RNF213: variants seen among roughly 807,000 people sequenced by gnomAD.
RNF213 encodes the protein ring finger protein 213, also known as E3 ubiquitin-protein ligase RNF213.
RNF213 carries 341 observed loss-of-function variants against 514.4 expected under a neutral mutation model. The observed-to-expected ratio is 0.66, with a 90% CI of 0.61 to 0.73. The LOEUF (loss-of-function observed/expected upper bound fraction) is 0.73, where lower values mean the gene tolerates loss of function less well. Ranked by LOEUF, RNF213 falls within the 30% of genes least tolerant of loss-of-function variation. The pLI, the probability that RNF213 is intolerant of heterozygous loss-of-function variation, is 0.00. For missense variants in RNF213, 5,767 were observed against 6,615.6 expected (o/e 0.87, Z 4.45); for synonymous variants, 2,655 against 2,658.2 (o/e 1.00, Z 0.04).
intron 46 of RNF213, among the ~76,000 whole-genome samples, chr17:80,370,597 G>A (rs191434862): frequency 6.6e-6 from 1 of 152,266 alleles, no homozygotes; most frequent in African/African-American, 2.4e-5. Context: ...TTTCATTTTA[G>A]TTTTACTAAA....
rs1214279942 is a variant in RNF213, at chr17:80,338,995, ATC to A, written c.4834-202_4834-201del. Among the ~76,000 whole-genome samples, 5 of 152,174 alleles carry A rather than the reference ATC, an allele frequency of 3.3e-5. No homozygotes were observed. The South Asian group carries it at 8.3e-4, about 25-fold the overall frequency. The stretch of plus-strand genomic sequence containing the variant: ...AAAATTAAAACAAATGATACCATTT[ATC>A]TCTACAATGACTCTTTCCCTGATGA... On this transcript the variant is annotated intron_variant, in intron 25 of 67. Coordinates refer to ENST00000582970, the MANE Select transcript of RNF213 (RefSeq NM_001256071.3).
At chr17:80,373,264 C>T in intron 49 of RNF213, 99 bp downstream of exon 49, 5 of 905,816 alleles carry the variant, frequency 5.5e-6, no homozygotes, top group Non-Finnish European at 8.1e-6. Flanking sequence ...ACCCCCCCCA[C>T]ACCCCACCCC....
intron 30 of RNF213, among the ~76,000 whole-genome samples, 170 bp from the exon 31 acceptor site, chr17:80,350,131 A>G (rs1045552465): frequency 6.6e-6 from 1 of 151,946 alleles, no homozygotes; most frequent in Non-Finnish European, 1.5e-5. Flanking sequence ...GGACCTCGTT[A>G]GGAGGCATTC....
chr17:80,329,933 T>C (rs1435807050), intron 20 of RNF213, among the ~76,000 whole-genome samples: 1 of 152,208 alleles, frequency 6.6e-6, no homozygotes, highest in Non-Finnish European at 1.5e-5. Flanking sequence ...TCTTGAATGA[T>C]TTAATTTTTT....
intron 37 of RNF213, 142 bp downstream of exon 37, chr17:80,358,621 G>A: frequency 1.3e-6 from 1 of 768,360 alleles, no homozygotes; most frequent in South Asian, 1.5e-5. Flanking sequence ...AGTAACAATA[G>A]GAAGTTTGGC....
rs923684931 is a variant in RNF213 at position 80,267,851 on chromosome 17, G to T, written c.97+4073G>T. On this transcript the variant is annotated intron_variant, in intron 2 of 67. Coordinates refer to ENST00000582970, the MANE Select transcript of RNF213 (RefSeq NM_001256071.3). ...TTTTTTTTTTTTGAGACAGGGTCTT[G>T]GTCTGTCTCCCAGGCTGGAGTGCAG... is the stretch of plus-strand genomic sequence containing the variant. 4.8e-5 allele frequency among the ~76,000 whole-genome samples: 7 copies of T among 147,108 alleles called. 1 individual carries two copies. The highest frequency in any genetic ancestry group is 1.5e-4 in the African/African-American group (6 of 39,218).
Position 80,370,722 on chromosome 17 carries a change from A to AC in RNF213, c.12425+855_12425+856insC, listed in dbSNP as rs570610787. Among the ~76,000 whole-genome samples, 14 of 152,302 alleles carry AC rather than the reference A, an allele frequency of 9.2e-5. No individual in the cohort carries two copies. In the South Asian group the frequency reaches 2.5e-3, roughly 27 times the overall value. On this transcript the variant is annotated intron_variant, in intron 46 of 67. Transcript: ENST00000582970. ...TGCCTCACAGAAAATCACTCATGAC[A>AC]AGCCCTGGGTTATCAGCCGGCTGCT...
intron 3 of RNF213, among the ~76,000 whole-genome samples, chr17:80,276,338 G>A (rs1002589060): frequency 3.9e-5 from 6 of 152,058 alleles, no homozygotes; most frequent in African/African-American, 1.4e-4. Context: ...GACTTCAGGT[G>A]CTCTGCCCAC....
At chr17:80,356,923 G>GTTTT (rs35344484) in intron 36 of RNF213, among the ~76,000 whole-genome samples, 1 of 145,766 alleles carries the variant, frequency 6.9e-6, no homozygotes, top group African/African-American at 2.5e-5. Flanking sequence ...ACCTTGTGGG[G>GTTTT]TTTTTTTTTT....
At chr17:80,306,528 A>T in intron 12 of RNF213, 60 bp downstream of exon 12, 1 of 1,496,906 alleles carries the variant, frequency 6.7e-7, no homozygotes, top group Non-Finnish European at 9.3e-7. Context: ...AGATAACTAA[A>T]CATGGAAAGC....
intron 17 of RNF213, 189 bp downstream of exon 17, chr17:80,319,501 G>A (rs1474212941): frequency 5.6e-6 from 9 of 1,613,674 alleles, no homozygotes; most frequent in Non-Finnish European, 5.9e-6. Flanking sequence ...ATTCCTCAGT[G>A]TGCTGCACAG....
In RNF213 at chr17:80,354,262, G is replaced by A. The variant is rs969017284; in HGVS notation, c.10726+96G>A. On this transcript the variant is annotated intron_variant, in intron 35 of 67. Transcript: ENST00000582970. ...CTGTGTGTTGGGGGACACCCTCTCA[G>A]GTTTCCATGGCTCAGCAGAAGCAGT... The A allele has an allele frequency of 6.6e-6, 10 of 1,519,236 alleles. No individual in the cohort carries two copies. In the Admixed American group the frequency reaches 1.4e-4, roughly 21 times the overall value. The allele number at this position is 1,519,236 out of a possible 1,614,324, so 94.1% of individuals were successfully genotyped here. A position where few individuals can be genotyped will look rare whatever the true frequency, so the allele number is the denominator to read the frequency against.
At chr17:80,362,708 G>A (rs915267990) in intron 39 of RNF213, among the ~76,000 whole-genome samples, 3 of 152,262 alleles carry the variant, frequency 2.0e-5, no homozygotes, top group African/African-American at 7.2e-5. Context: ...TACTGGAGAT[G>A]TGGACAAATA....
rs758145646 is a variant in RNF213 at position 80,363,767 on chromosome 17, C to A, written c.11727C>A (p.Ala3909=). The A allele has an allele frequency of 2.5e-6, 4 of 1,613,470 alleles. No homozygotes were observed. The highest frequency in any genetic ancestry group is 3.4e-6 in the Non-Finnish European group (4 of 1,179,970). Reference sequence around the variant, plus strand: ...ACATGCAAGGCAGCGGGAGCCTGGCCCAGGCTGTCATCAGGGAAGTCAGGT... The same window carrying A: ...ACATGCAAGGCAGCGGGAGCCTGGCACAGGCTGTCATCAGGGAAGTCAGGT... The part of the protein sequence containing the change: ...DEHMQGSGSL[A]QAVIREVRAQ... Residue 3909 remains alanine, a synonymous_variant, in exon 41 of 68, where the codon GCC becomes GCA. Coordinates refer to ENST00000582970, the MANE Select transcript of RNF213 (RefSeq NM_001256071.3).
chr17:80,270,448 T>C (rs1052696333), intron 2 of RNF213, among the ~76,000 whole-genome samples: 1 of 152,212 alleles, frequency 6.6e-6, no homozygotes, highest in South Asian at 2.1e-4. Flanking sequence ...GCACAAAGCT[T>C]CTCTGGCCAC....
At chr17:80,356,057 A>T (rs2078805175) in intron 36 of RNF213, among the ~76,000 whole-genome samples, 1 of 150,190 alleles carries the variant, frequency 6.7e-6, no homozygotes. Context: ...GCTGGAGTGC[A>T]GTGATGCGAT....
chr17:80,264,400 G>A lies in RNF213; in HGVS notation c.97+622G>A, dbSNP rs2043536670. ...AGACAGGAGCGGGGCAGTGTCAGGC[G>A]GGCCTTGCCTGCTGAGCATCTTGAG... On this transcript the variant is annotated intron_variant, in intron 2 of 67. Coordinates refer to ENST00000582970, the MANE Select transcript of RNF213 (RefSeq NM_001256071.3). The surrounding 1 kb of genome is among the most constrained non-coding windows in gnomAD (Gnocchi z 5.0). Among the ~76,000 whole-genome samples, 2 of 152,082 alleles carry A rather than the reference G, an allele frequency of 1.3e-5. No individual in the cohort carries two copies. Among genetic ancestry groups the A allele is most frequent in the African/African-American group, 2.4e-5 (1 of 41,412 alleles).
intron 32 of RNF213, chr17:80,352,429 G>T: frequency 5.3e-6 from 2 of 380,784 alleles, no homozygotes; most frequent in Non-Finnish European, 9.6e-6. Flanking sequence ...GGAACGCACC[G>T]ATACGCCTGT....
intron 36 of RNF213, among the ~76,000 whole-genome samples, chr17:80,356,676 G>T (rs1256388805): frequency 6.6e-6 from 1 of 152,140 alleles, no homozygotes; most frequent in Admixed American, 6.5e-5. Context: ...ACCAGGCTCG[G>T]CGGCTCCCGC....
Sources: allele counts gnomAD v4.1 joint callset (sites outside exome capture counted in the v4.1 genomes callset), GRCh38; gene constraint gnomAD v4.1.1; non-coding constraint Gnocchi (gnomAD v3.1); transcripts MANE v1.5; gene names NCBI Gene and HGNC (gene_info 2026-07-23, HGNC 2026-07-21).